Variants in EPHA6 observed in about 807,000 individuals in gnomAD.
EPHA6 encodes the protein EPH receptor A6, also known as ephrin type-A receptor 6.
In EPHA6, 50 loss-of-function variants were observed where a neutral mutation model predicts 112.0. The observed-to-expected ratio is 0.45, with a 90% CI of 0.36 to 0.56. The LOEUF (loss-of-function observed/expected upper bound fraction) is 0.56, where lower values mean the gene tolerates loss of function less well. Ranked by LOEUF, EPHA6 falls within the 20% of genes least tolerant of loss-of-function variation. The pLI is 0.00. For synonymous variants in EPHA6, 529 were observed against 490.7 expected, an observed-to-expected ratio of 1.08 and a Z score of -1.03; for missense variants, 1,280 against 1,417.4, an observed-to-expected ratio of 0.90 and a Z score of 1.56.
intron 5 of EPHA6, among the ~76,000 whole-genome samples, chr3:97,274,022 C>G (rs991407423): frequency 6.6e-6 from 1 of 152,122 alleles, no homozygotes; most frequent in South Asian, 2.1e-4. Flanking sequence ...AGTAGAATAG[C>G]AGATGGAACA....
chr3:97,596,249 C>A (rs1274068668), intron 12 of EPHA6, among the ~76,000 whole-genome samples: 3 of 152,110 alleles, frequency 2.0e-5, no homozygotes, highest in Non-Finnish European at 4.4e-5. Flanking sequence ...TCTCTTTGCT[C>A]CATGTAGTTA....
At chr3:97,680,363 A>G (rs918099633) in intron 14 of EPHA6, among the ~76,000 whole-genome samples, 4 of 152,178 alleles carry the variant, frequency 2.6e-5, no homozygotes, top group African/African-American at 9.6e-5. Context: ...CAAGCATGCC[A>G]CCAGCCATTG....
intron 2 of EPHA6, among the ~76,000 whole-genome samples, chr3:96,907,403 A>G (rs1445024293): frequency 6.6e-6 from 1 of 151,732 alleles, no homozygotes; most frequent in Non-Finnish European, 1.5e-5. Flanking sequence ...AAACTTAAAA[A>G]CTAGGATTTA....
intron 3 of EPHA6, among the ~76,000 whole-genome samples, chr3:97,022,858 C>A (rs1453053198): frequency 6.6e-6 from 1 of 152,150 alleles, no homozygotes; most frequent in Non-Finnish European, 1.5e-5. Flanking sequence ...TCCTAGCATA[C>A]CTTTTCTTTG....
chr3:97,030,011 A>T (rs996871724), intron 3 of EPHA6, among the ~76,000 whole-genome samples: 2 of 152,120 alleles, frequency 1.3e-5, no homozygotes, highest in Admixed American at 6.6e-5. Context: ...GATTGTCAAT[A>T]GAATGATCCA....
At chr3:97,616,694 T>C (rs1316064499) in intron 13 of EPHA6, among the ~76,000 whole-genome samples, 2 of 151,980 alleles carry the variant, frequency 1.3e-5, no homozygotes, top group African/African-American at 2.4e-5. Flanking sequence ...AACTTAAAGT[T>C]TGGGTTTCTG....
At position 97,371,841 on chromosome 3, in the gene EPHA6, C is replaced by G. The variant is rs548366511; in HGVS notation, c.1607-33309C>G. Among the ~76,000 whole-genome samples, 7 of 152,200 alleles carry G rather than the reference C, an allele frequency of 4.6e-5. No individual in the cohort carries two copies. In the East Asian group the frequency reaches 5.8e-4, roughly 13 times the overall value. The stretch of plus-strand genomic sequence containing the variant: ...AAGTGGCTGCTCTGGGGACGTCTGT[C>G]TTTTACCGTCGTACATAAGGGATGA... On this transcript the variant is annotated intron_variant, in intron 5 of 17. Coordinates refer to ENST00000389672, the MANE Select transcript of EPHA6 (RefSeq NM_001080448.3).
At chr3:97,008,758 C>A (rs1472124706) in intron 3 of EPHA6, among the ~76,000 whole-genome samples, 1 of 151,774 alleles carries the variant, frequency 6.6e-6, no homozygotes, top group Non-Finnish European at 1.5e-5. Flanking sequence ...GTAGTTTCGG[C>A]CTTTGAGGCT....
intron 7 of EPHA6, among the ~76,000 whole-genome samples, chr3:97,472,320 T>A (rs943316320): frequency 2.0e-5 from 3 of 151,614 alleles, no homozygotes; most frequent in Admixed American, 1.3e-4. Flanking sequence ...TTGGGGAACA[T>A]CTGTCTGGGG....
chr3:96,915,350 A>G (rs1456572557), intron 2 of EPHA6, among the ~76,000 whole-genome samples: 4 of 152,066 alleles, frequency 2.6e-5, no homozygotes, highest in Non-Finnish European at 5.9e-5. Context: ...CTATTTTTCT[A>G]TACCTAAAGT....
chr3:97,489,339 T>A (rs2091777454), intron 10 of EPHA6, among the ~76,000 whole-genome samples: 1 of 152,224 alleles, frequency 6.6e-6, no homozygotes, highest in African/African-American at 2.4e-5. Context: ...AATTTTATTT[T>A]TGTTACTACA....
intron 2 of EPHA6, among the ~76,000 whole-genome samples, chr3:96,980,963 G>A (rs1028318943): frequency 3.9e-5 from 6 of 152,088 alleles, no homozygotes; most frequent in African/African-American, 7.2e-5. Flanking sequence ...GAGACGATGG[G>A]GTTTTCTAAA....
At chr3:97,199,890 T>A (rs1018078456) in intron 3 of EPHA6, among the ~76,000 whole-genome samples, 2 of 152,160 alleles carry the variant, frequency 1.3e-5, no homozygotes, top group African/African-American at 2.4e-5. Flanking sequence ...GACAATGAGT[T>A]AACTTTAATA....
intron 13 of EPHA6, among the ~76,000 whole-genome samples, chr3:97,634,709 C>T (rs779397536): frequency 1.3e-5 from 2 of 152,146 alleles, no homozygotes; most frequent in South Asian, 2.1e-4. Context: ...GACAGGGGCC[C>T]AGTCTTTCTT....
At chr3:97,716,960 C>T (rs1207215890) in intron 14 of EPHA6, among the ~76,000 whole-genome samples, 5 of 152,134 alleles carry the variant, frequency 3.3e-5, no homozygotes. Context: ...CCTGTAATCC[C>T]AGCACTTTGG....
At chr3:97,697,671 C>G (rs927438496) in intron 14 of EPHA6, among the ~76,000 whole-genome samples, 1 of 152,198 alleles carries the variant, frequency 6.6e-6, no homozygotes, top group African/African-American at 2.4e-5. Flanking sequence ...CAAACTGTCA[C>G]TGTTCAATTT....
chr3:97,590,988 T>A (rs983191576), intron 11 of EPHA6, among the ~76,000 whole-genome samples: 3 of 152,174 alleles, frequency 2.0e-5, no homozygotes, highest in Admixed American at 6.6e-5. Context: ...CACAAGGAAG[T>A]TTGTTGCACT....
chr3:97,032,047 C>G (rs1257694078), intron 3 of EPHA6, among the ~76,000 whole-genome samples: 1 of 152,018 alleles, frequency 6.6e-6, no homozygotes, highest in East Asian at 1.9e-4. Flanking sequence ...GGAACCAAGC[C>G]AAATGTCCAA....
intron 2 of EPHA6, among the ~76,000 whole-genome samples, chr3:96,935,176 A>G (rs1467362579): frequency 6.6e-6 from 1 of 151,850 alleles, no homozygotes; most frequent in Non-Finnish European, 1.5e-5. Context: ...CATTAACAAC[A>G]TTTTTATGTA....
Sources: allele counts gnomAD v4.1 joint callset (sites outside exome capture counted in the v4.1 genomes callset), GRCh38; gene constraint gnomAD v4.1.1; transcripts MANE v1.5; gene names NCBI Gene and HGNC (gene_info 2026-07-23, HGNC 2026-07-21).